The following L3MBTL4 variants were observed in gnomAD, a reference collection of about 807,000 sequenced individuals.
The protein encoded by L3MBTL4 is lethal(3)malignant brain tumor-like protein 4.
Under a neutral mutation model 84.5 loss-of-function variants are expected in L3MBTL4, and 70 were observed. That is an observed-to-expected ratio of 0.83 (90% CI 0.68 to 1.01). The LOEUF is 1.01. Ranked by LOEUF, L3MBTL4 falls within the 50% of genes least tolerant of loss-of-function variation. The pLI is 0.00. For missense variants in L3MBTL4, 715 were observed against 754.8 expected, an observed-to-expected ratio of 0.95 and a Z score of 0.62; for synonymous variants, 274 against 259.8, an observed-to-expected ratio of 1.05 and a Z score of -0.52.
intron 12 of L3MBTL4, among the ~76,000 whole-genome samples, chr18:6,188,675 C>T (rs754383018): frequency 2.0e-5 from 3 of 152,178 alleles, no homozygotes; most frequent in Admixed American, 6.5e-5. Context: ...GAAGACACAG[C>T]CAGTGCAGTT....
intron 16 of L3MBTL4, among the ~76,000 whole-genome samples, chr18:6,028,135 G>A (rs182420664): frequency 2.1e-3 from 319 of 152,270 alleles, no homozygotes; most frequent in Non-Finnish European, 2.7e-3. Flanking sequence ...GAATGGTATT[G>A]CCCAGGTTTT....
chr18:6,098,858 G>A (rs1244544976), intron 14 of L3MBTL4, among the ~76,000 whole-genome samples: 1 of 152,160 alleles, frequency 6.6e-6, no homozygotes, highest in Non-Finnish European at 1.5e-5. Flanking sequence ...GTGTCTGGGT[G>A]GGCCGGGGGC....
chr18:6,071,026 G>T lies in L3MBTL4; in HGVS notation c.1444+9855C>A, dbSNP rs112543339. 4.0e-4 allele frequency among the ~76,000 whole-genome samples: 61 copies of T among 152,178 alleles called. 2 individuals carry two copies. Among genetic ancestry groups the T allele is most frequent in the African/African-American group, 1.5e-3 (61 of 41,522 alleles). The stretch of plus-strand genomic sequence containing the variant: ...GAATGGTATACTCACATGAATTTTG[G>T]TTTAAAAAGATACAGCAAAAATATA... On this transcript the variant is annotated intron_variant, in intron 16 of 18. Transcript: ENST00000317931.
intron 1 of L3MBTL4, among the ~76,000 whole-genome samples, chr18:6,390,734 T>C (rs888030392): frequency 9.9e-5 from 15 of 151,932 alleles, no homozygotes; most frequent in Admixed American, 7.2e-4. Flanking sequence ...CTAGAGGAAA[T>C]GGATAAATTC....
At chr18:6,317,422 A>G (rs960938830) in intron 1 of L3MBTL4, among the ~76,000 whole-genome samples, 2 of 152,178 alleles carry the variant, frequency 1.3e-5, no homozygotes, top group African/African-American at 2.4e-5. Flanking sequence ...CAATCAGAAC[A>G]TCTGGAAATG....
Position 6,130,909 on chromosome 18 carries a change from T to C in L3MBTL4, c.1199+7285A>G, listed in dbSNP as rs73380098. Reference sequence around the variant, plus strand: ...GCAATTTATTTCAAATAATAATTTATCCATATTCTACATGAATTCCATACA... The same window carrying C: ...GCAATTTATTTCAAATAATAATTTACCCATATTCTACATGAATTCCATACA... On this transcript the variant is annotated intron_variant, in intron 14 of 18. Transcript: ENST00000317931. 4.7e-3 allele frequency among the ~76,000 whole-genome samples: 709 copies of C among 152,286 alleles called. 4 individuals are homozygous for C. Among genetic ancestry groups the C allele is most frequent in the African/African-American group, 0.016 (686 of 41,576 alleles).
At chr18:6,152,315 T>C (rs1156997545) in intron 13 of L3MBTL4, among the ~76,000 whole-genome samples, 1 of 152,110 alleles carries the variant, frequency 6.6e-6, no homozygotes, top group Non-Finnish European at 1.5e-5. Context: ...ATTTTTTTTT[T>C]CCATAACAGC....
chr18:6,084,354 C>A (rs983570338), intron 15 of L3MBTL4, among the ~76,000 whole-genome samples: 2 of 152,044 alleles, frequency 1.3e-5, no homozygotes, highest in Non-Finnish European at 1.5e-5. Flanking sequence ...TAGCTGGCCA[C>A]ACCTAAAATA....
At position 6,035,857 on chromosome 18, in the gene L3MBTL4, A is replaced by T. The variant is rs540731019; in HGVS notation, c.1444+45024T>A. 1.3e-3 allele frequency among the ~76,000 whole-genome samples: 201 copies of T among 152,300 alleles called. 3 individuals are homozygous for T. The highest frequency in any genetic ancestry group is 4.7e-3 in the African/African-American group (197 of 41,558). On this transcript the variant is annotated intron_variant, in intron 16 of 18. Coordinates refer to ENST00000317931, the MANE Select transcript of L3MBTL4 (RefSeq NM_001330559.2). ...AGAAAGCAGGAAAGATCCAAAATTG[A>T]CACCCTAACATCACAATTAAAAGAA...
intron 16 of L3MBTL4, among the ~76,000 whole-genome samples, chr18:5,982,012 T>TTG (rs1453861724): frequency 5.2e-5 from 4 of 76,924 alleles, no homozygotes; most frequent in East Asian, 1.9e-3. Context: ...GTGTGTGTTT[T>TTG]GGGAAAAAAA....
intron 1 of L3MBTL4, among the ~76,000 whole-genome samples, chr18:6,362,235 TGAAAGGAAAGGAAAGG>T (rs1256174547): frequency 4.6e-5 from 5 of 107,568 alleles, no homozygotes; most frequent in Admixed American, 2.5e-4. Context: ...GGGAGGGGAC[TGAAAGGAAAGGAAAGG>T]GAAAGGAAAG....
chr18:5,975,290 CT>C lies in L3MBTL4; in HGVS notation c.1445-5729del, dbSNP rs1042705297. 5.3e-5 allele frequency among the ~76,000 whole-genome samples: 8 copies of C among 152,196 alleles called. 1 individual carries two copies. Among genetic ancestry groups the C allele is most frequent in the Admixed American group, 5.2e-4 (8 of 15,290 alleles). On this transcript the variant is annotated intron_variant, in intron 16 of 18. Coordinates refer to ENST00000317931, the MANE Select transcript of L3MBTL4 (RefSeq NM_001330559.2). The stretch of plus-strand genomic sequence containing the variant: ...GGAGACCCATTTCACAAGTAACCTT[CT>C]CTTCAATGAAAGGGGTAGCAGTTCT...
rs1202672297 is a variant in L3MBTL4, at chr18:5,955,027, A to T, written c.*1193T>A. ...TCTTAATGAAGCAAGTGGACATAGA[A>T]CCTCTCCCTCTTTCTCCCCACCCAC... On this transcript the variant is annotated 3_prime_UTR_variant, in exon 19 of 19. Transcript: ENST00000317931. The T allele has an allele frequency of 1.3e-5, 2 of 151,980 alleles. No individual in the cohort carries two copies. The highest frequency in any genetic ancestry group is 2.9e-5 in the Non-Finnish European group (2 of 67,992). The allele number at this position is 151,980 out of a possible 1,614,324, so 9.4% of individuals were successfully genotyped here.
intron 16 of L3MBTL4, among the ~76,000 whole-genome samples, chr18:6,034,518 G>A (rs2056013203): frequency 6.6e-6 from 1 of 152,166 alleles, no homozygotes; most frequent in Admixed American, 6.5e-5. Flanking sequence ...TGGTGTATAT[G>A]TGCCACATTT....
At chr18:6,123,985 G>C (rs192499327) in intron 14 of L3MBTL4, among the ~76,000 whole-genome samples, 30 of 152,294 alleles carry the variant, frequency 2.0e-4, no homozygotes, top group Non-Finnish European at 2.9e-4. Flanking sequence ...CATCATACCA[G>C]GTGTAAGGAA....
intron 4 of L3MBTL4, among the ~76,000 whole-genome samples, chr18:6,284,897 C>T (rs549941865): frequency 2.6e-5 from 4 of 152,296 alleles, no homozygotes; most frequent in South Asian, 2.1e-4. Flanking sequence ...GAGCCCGGAA[C>T]GGGGAGGGAA....
chr18:5,971,712 T>C (rs1317685697), intron 16 of L3MBTL4, among the ~76,000 whole-genome samples: 2 of 152,184 alleles, frequency 1.3e-5, no homozygotes, highest in Admixed American at 6.5e-5. Flanking sequence ...AAGCAAATTA[T>C]CTGCTTTGGG....
chr18:6,315,763 G>A (rs928846881), intron 1 of L3MBTL4, among the ~76,000 whole-genome samples: 7 of 152,142 alleles, frequency 4.6e-5, no homozygotes, highest in Non-Finnish European at 7.3e-5. Flanking sequence ...GGAACCACTC[G>A]CCCTCATGTG....
chr18:6,356,064 T>C (rs2053431255), intron 1 of L3MBTL4, among the ~76,000 whole-genome samples: 1 of 152,338 alleles, frequency 6.6e-6, no homozygotes, highest in South Asian at 2.1e-4. Context: ...CAGACAGCAA[T>C]GATGCCGTCA....
Sources: gnomAD v4.1 joint callset for allele counts (sites outside exome capture counted in the v4.1 genomes callset) on GRCh38, gnomAD v4.1.1 for gene constraint, MANE v1.5 for transcripts, NCBI Gene and HGNC (gene_info 2026-07-23, HGNC 2026-07-21) for gene names.